Variants in SKIL observed in about 807,000 individuals in gnomAD.
SKIL encodes the protein ski-like protein.
In SKIL, 20 loss-of-function variants were observed where a neutral mutation model predicts 69.6. The observed-to-expected ratio is 0.29, with a 90% confidence interval of 0.20 to 0.42. The LOEUF (loss-of-function observed/expected upper bound fraction) is 0.42. Among genes scored for constraint, SKIL ranks in the 10% least tolerant of loss-of-function variants. The pLI is 1.00. For missense variants in SKIL, 745 were observed against 783.1 expected (o/e 0.95, Z 0.58); for synonymous variants, 310 against 279.9 (o/e 1.11, Z -1.08).
chr3:170,369,931 CTTG>C (rs1467045878), intron 2 of SKIL, among the ~76,000 whole-genome samples: 1 of 152,034 alleles, frequency 6.6e-6, no homozygotes, highest in East Asian at 1.9e-4. Flanking sequence ...AACAATGCAT[CTTG>C]TTGTAAGATG....
chr3:170,360,239 C>T lies in SKIL; in HGVS notation c.-93C>T. On this transcript the variant is annotated 5_prime_UTR_variant, in exon 2 of 7. Coordinates refer to ENST00000259119, the MANE Select transcript of SKIL (RefSeq NM_005414.5). ...AAGTTTGAGAGTAAGTTACGATAGG[C>T]ATTTGTATCCATTCATTACTTTCCT... The T allele has an allele frequency of 1.7e-6, 2 of 1,198,374 alleles. No individual in the cohort carries two copies. Among genetic ancestry groups the T allele is most frequent in the Non-Finnish European group, 2.3e-6 (2 of 859,488 alleles). 74.2% of individuals were successfully genotyped at this position (1,198,374 alleles called of 1,614,324 possible). A position where few individuals can be genotyped will look rare whatever the true frequency, so the allele number is the denominator to read the frequency against.
chr3:170,396,750 G>A lies in SKIL; in HGVS notation c.*4333G>A, dbSNP rs1271466769. The A allele has an allele frequency of 6.6e-6, 1 of 152,088 alleles. No homozygotes were observed. The highest frequency in any genetic ancestry group is 2.4e-5 in the African/African-American group (1 of 41,406). 9.4% of individuals were successfully genotyped at this position (152,088 alleles called of 1,614,324 possible). On this transcript the variant is annotated 3_prime_UTR_variant, in exon 7 of 7. Transcript: ENST00000259119. ...TGAGCTTATACCTCAATTGTATTTT[G>A]TGCTGTTTTCCATTTTCATGCCTTG...
At chr3:170,388,860 GTATTTATTTATT>G (rs71634466) in intron 4 of SKIL, among the ~76,000 whole-genome samples, 1 of 112,004 alleles carries the variant, frequency 8.9e-6, no homozygotes, top group African/African-American at 3.5e-5. Flanking sequence ...ATTTATTTAT[GTATTTATTTATT>G]TATTTATTTA....
In SKIL at chr3:170,360,292, T is replaced by A; in HGVS notation, c.-40T>A. ...TTTCAAATAAGCAACTAAATAGAAA[T>A]GCTAATCTCAGACTTAATTATTTAA... On this transcript the variant is annotated 5_prime_UTR_variant, in exon 2 of 7. It removes an upstream start codon present in the reference 5' UTR. Transcript: ENST00000259119. 6.7e-7 allele frequency: 1 copy of A among 1,502,770 alleles called. No homozygotes were observed. The allele number at this position is 1,502,770 out of a possible 1,614,324, so 93.1% of individuals were successfully genotyped here.
At position 170,394,114 on chromosome 3, in the gene SKIL, A is replaced by ATTTTTTTTT. The variant is rs1560224797; in HGVS notation, c.*1697_*1698insTTTTTTTTT. 6.8e-5 allele frequency: 9 copies of ATTTTTTTTT among 131,726 alleles called. No homozygotes were observed. Among genetic ancestry groups the ATTTTTTTTT allele is most frequent in the African/African-American group, 2.5e-4 (8 of 32,446 alleles). 8.2% of individuals were successfully genotyped at this position (131,726 alleles called of 1,614,324 possible). A position where few individuals can be genotyped will look rare whatever the true frequency, so the allele number is the denominator to read the frequency against. ...AATATTAAAATGACATGTAGAAACAAATTTTTTTTTTTTTTTTTTTTTTTT... is the reference window on the plus strand; with the variant it reads ...AATATTAAAATGACATGTAGAAACAATTTTTTTTTATTTTTTTTTTTTTTTTTTTTTTTT... On this transcript the variant is annotated 3_prime_UTR_variant, in exon 7 of 7. Coordinates refer to ENST00000259119, the MANE Select transcript of SKIL (RefSeq NM_005414.5).
Position 170,381,256 on chromosome 3 carries a change from T to A in SKIL, c.1111T>A (p.Ser371Thr). The stretch of plus-strand genomic sequence containing the variant: ...TGTTTTTCTGCAGACAGATGCACCA[T>A]CAGGAATGGAATTACAGTCATGGTA... ...KRNQSKTDAP[S>T]GMELQSWYPV... The change falls in exon 3 of 7, where the codon TCA becomes ACA. Residue 371 changes from serine (S) to threonine (T), a missense_variant. Coordinates refer to ENST00000259119, the MANE Select transcript of SKIL (RefSeq NM_005414.5). 1 of 1,564,474 alleles carries A rather than the reference T, an allele frequency of 6.4e-7. No homozygotes were observed. Among genetic ancestry groups the A allele is most frequent in the South Asian group, 1.1e-5 (1 of 90,074 alleles).
At chr3:170,377,659 C>T (rs1334375678) in intron 2 of SKIL, among the ~76,000 whole-genome samples, 1 of 149,482 alleles carries the variant, frequency 6.7e-6, no homozygotes, top group Non-Finnish European at 1.5e-5. Context: ...AGCGATTCTC[C>T]TGCCTCAGCC....
intron 2 of SKIL, among the ~76,000 whole-genome samples, chr3:170,379,957 T>G (rs530283245): frequency 6.6e-6 from 1 of 152,306 alleles, no homozygotes; most frequent in African/African-American, 2.4e-5. Context: ...CTTCAATTTC[T>G]GAACGTCAGT....
chr3:170,361,552 A>T (rs1263202772), intron 2 of SKIL, 123 bp downstream of exon 2: 2 of 782,248 alleles, frequency 2.6e-6, no homozygotes, highest in Non-Finnish European at 4.1e-6. Flanking sequence ...CAAAATACCG[A>T]TTGATATATT....
At chr3:170,382,413 A>AT (rs773770207) in intron 3 of SKIL, among the ~76,000 whole-genome samples, 54,628 of 118,930 alleles carry the variant, frequency 0.46, 11,192 homozygotes, top group Non-Finnish European at 0.52. Flanking sequence ...TGCAACTTTG[A>AT]TTTTTTTTTT....
chr3:170,368,319 G>C (rs1736643636), intron 2 of SKIL, among the ~76,000 whole-genome samples: 1 of 152,080 alleles, frequency 6.6e-6, no homozygotes, highest in African/African-American at 2.4e-5. Flanking sequence ...ATTAGTAACT[G>C]TTCCCACTAG....
At chr3:170,379,701 T>G (rs1737228804) in intron 2 of SKIL, among the ~76,000 whole-genome samples, 1 of 152,202 alleles carries the variant, frequency 6.6e-6, no homozygotes, top group Admixed American at 6.5e-5. Context: ...TGGAGTGCAG[T>G]GGCATGATCT....
intron 4 of SKIL, among the ~76,000 whole-genome samples, chr3:170,385,662 T>C (rs1737584887): frequency 6.6e-6 from 1 of 152,222 alleles, no homozygotes; most frequent in African/African-American, 2.4e-5. Flanking sequence ...ACCATCCATA[T>C]AGCAGCACAG....
At chr3:170,372,433 T>C (rs1245344700) in intron 2 of SKIL, among the ~76,000 whole-genome samples, 1 of 152,242 alleles carries the variant, frequency 6.6e-6, no homozygotes, top group Non-Finnish European at 1.5e-5. Flanking sequence ...GCTTAGATCA[T>C]ACTGTCCCAG....
At chr3:170,358,358 A>T (rs1736045328) in intron 1 of SKIL, among the ~76,000 whole-genome samples, 1 of 146,156 alleles carries the variant, frequency 6.8e-6, no homozygotes, top group Admixed American at 6.8e-5. Flanking sequence ...GGGTTATCCC[A>T]GGCTCGCCGG....
intron 6 of SKIL, 125 bp from the exon 7 acceptor site, chr3:170,392,134 G>T: frequency 2.8e-6 from 2 of 706,750 alleles, no homozygotes. Context: ...ATGCTTAATG[G>T]ATTTAGTATA....
At position 170,392,426 on chromosome 3, in the gene SKIL, A is replaced by G. The variant is rs1221547736; in HGVS notation, c.*9A>G. ...AGACTGCTAAAGAATAGAAACTGTT[A>G]AAGAGATTCATCTGTGTATTACTGA... is the stretch of plus-strand genomic sequence containing the variant. On this transcript the variant is annotated 3_prime_UTR_variant, in exon 7 of 7. Coordinates refer to ENST00000259119, the MANE Select transcript of SKIL (RefSeq NM_005414.5). The G allele has an allele frequency of 1.3e-6, 2 of 1,593,194 alleles. No individual in the cohort carries two copies. Among genetic ancestry groups the G allele is most frequent in the Admixed American group, 1.8e-5 (1 of 57,074 alleles).
intron 2 of SKIL, among the ~76,000 whole-genome samples, chr3:170,377,256 G>A (rs1035424314): frequency 6.7e-6 from 1 of 148,380 alleles, no homozygotes; most frequent in Non-Finnish European, 1.5e-5. Context: ...TTTTTTTTTT[G>A]AGATGGAGTT....
intron 2 of SKIL, among the ~76,000 whole-genome samples, chr3:170,366,398 G>T (rs1378323942): frequency 6.6e-6 from 1 of 151,852 alleles, no homozygotes; most frequent in East Asian, 1.9e-4. Context: ...CTTGATTTTA[G>T]GCCAGGCGCG....
Sources: gnomAD v4.1 joint callset for allele counts (sites outside exome capture counted in the v4.1 genomes callset) on GRCh38, gnomAD v4.1.1 for gene constraint, MANE v1.5 for transcripts, NCBI Gene and HGNC (gene_info 2026-07-23, HGNC 2026-07-21) for gene names.